Variants in BCAS4 observed in about 807,000 individuals in gnomAD.
BCAS4 encodes breast carcinoma-amplified sequence 4.
In BCAS4, 9 loss-of-function variants were observed where a neutral mutation model predicts 15.7. That is an observed-to-expected ratio of 0.57 (90% confidence interval 0.34 to 1.00). The LOEUF is 1.00. BCAS4 is among the 50% of genes least tolerant of loss of function. The probability of loss-of-function intolerance (pLI) is 0.02; values close to 1 mark genes in which losing one functional copy is unlikely to be tolerated. For synonymous variants in BCAS4, 101 were observed against 99.5 expected (o/e 1.02, Z -0.09); for missense variants, 225 against 239.1 (o/e 0.94, Z 0.39).
intron 1 of BCAS4, among the ~76,000 whole-genome samples, chr20:50,808,942 C>G (rs1569019172): frequency 2.6e-5 from 4 of 152,134 alleles, no homozygotes; most frequent in Admixed American, 2.6e-4. Context: ...CCAATGTTAT[C>G]TTCTAGAATT....
intron 2 of BCAS4, among the ~76,000 whole-genome samples, chr20:50,822,613 A>G (rs1420521817): frequency 6.6e-6 from 1 of 152,070 alleles, no homozygotes; most frequent in Non-Finnish European, 1.5e-5. Flanking sequence ...CACTTTGGAA[A>G]ACAGCTTGGC....
At chr20:50,858,927 A>ATTG (rs1308545472) in intron 4 of BCAS4, among the ~76,000 whole-genome samples, 1 of 142,898 alleles carries the variant, frequency 7.0e-6, no homozygotes, top group Non-Finnish European at 1.5e-5. Context: ...GGCTCTTGCT[A>ATTG]TTATTATTAT....
chr20:50,834,367 C>T (rs1227403613), intron 3 of BCAS4, among the ~76,000 whole-genome samples: 2 of 142,080 alleles, frequency 1.4e-5, no homozygotes, highest in Admixed American at 1.5e-4. Context: ...GGAATCTTGG[C>T]TCACTGCAAC....
intron 1 of BCAS4, among the ~76,000 whole-genome samples, chr20:50,815,421 C>T (rs2088125364): frequency 6.6e-6 from 1 of 152,214 alleles, no homozygotes; most frequent in Admixed American, 6.5e-5. Context: ...CTGTGCCCCA[C>T]TCCTCTCTTT....
chr20:50,844,018 C>T (rs1440216770), intron 4 of BCAS4, among the ~76,000 whole-genome samples: 2 of 152,044 alleles, frequency 1.3e-5, no homozygotes, highest in East Asian at 3.8e-4. Flanking sequence ...GTGGCGCATC[C>T]CTGTGGTCTC....
chr20:50,809,798 T>C (rs2088038376), intron 1 of BCAS4, among the ~76,000 whole-genome samples: 2 of 152,312 alleles, frequency 1.3e-5, no homozygotes, highest in South Asian at 4.1e-4. Flanking sequence ...TGTTTTGTAG[T>C]TTTCTTTGTA....
intron 4 of BCAS4, among the ~76,000 whole-genome samples, chr20:50,848,292 C>G (rs4413213): frequency 6.6e-6 from 1 of 152,036 alleles, no homozygotes; most frequent in Non-Finnish European, 1.5e-5. Flanking sequence ...AAAGGGATCC[C>G]AGGTCTGAGG....
intron 1 of BCAS4, among the ~76,000 whole-genome samples, chr20:50,816,219 T>A (rs2123770514): frequency 6.6e-6 from 1 of 152,106 alleles, no homozygotes. Context: ...AGAGACGGGG[T>A]TTCGCCATGT....
Position 50,801,996 on chromosome 20 carries a change from A to C in BCAS4, c.90+6823A>C, listed in dbSNP as rs547398339. ...CCAGGGCCTGGGTCCCCAGGGGGGGAGTCTGAATTCTGTTCTAGGGTCATG... is the reference window on the plus strand; with the variant it reads ...CCAGGGCCTGGGTCCCCAGGGGGGGCGTCTGAATTCTGTTCTAGGGTCATG... On this transcript the variant is annotated intron_variant, in intron 1 of 4. Coordinates refer to ENST00000371608, the MANE Select transcript of BCAS4 (RefSeq NM_198799.4). Among the ~76,000 whole-genome samples the C allele has an allele frequency of 2.8e-4, 42 of 150,882 alleles. 1 individual carries two copies. The highest frequency in any genetic ancestry group is 1.0e-3 in the African/African-American group (41 of 41,010).
chr20:50,801,975 G>A (rs1257259374), intron 1 of BCAS4, among the ~76,000 whole-genome samples: 2 of 151,888 alleles, frequency 1.3e-5, no homozygotes, highest in East Asian at 3.9e-4. Flanking sequence ...GCCACACCAG[G>A]GCCTGGGTCC....
intron 2 of BCAS4, among the ~76,000 whole-genome samples, chr20:50,829,462 C>G (rs574093674): frequency 6.6e-6 from 1 of 152,006 alleles, no homozygotes; most frequent in Non-Finnish European, 1.5e-5. Context: ...AGGCTGGTCT[C>G]GAACTCCTGA....
chr20:50,795,355 G>C (rs570311641), intron 1 of BCAS4, among the ~76,000 whole-genome samples, 182 bp downstream of exon 1: 48 of 152,202 alleles, frequency 3.2e-4, no homozygotes, highest in Admixed American at 2.8e-3. Flanking sequence ...GTCCCTGCTC[G>C]CTCCTCCGGG....
chr20:50,808,492 C>T (rs911192519), intron 1 of BCAS4, among the ~76,000 whole-genome samples: 1 of 152,194 alleles, frequency 6.6e-6, no homozygotes, highest in African/African-American at 2.4e-5. Context: ...AAAAGTGTTC[C>T]TTTTCATCAC....
intron 4 of BCAS4, among the ~76,000 whole-genome samples, chr20:50,842,189 C>T (rs2088492948): frequency 6.6e-6 from 1 of 152,188 alleles, no homozygotes; most frequent in Admixed American, 6.5e-5. Context: ...TCCTGCCCAT[C>T]CTTGCACACT....
At chr20:50,798,733 C>T (rs763452983) in intron 1 of BCAS4, among the ~76,000 whole-genome samples, 28 of 152,262 alleles carry the variant, frequency 1.8e-4, no homozygotes, top group Admixed American at 3.3e-4. Context: ...CCTAGGTCTC[C>T]GTCACCCTCT....
At chr20:50,840,772 G>A (rs1385567058) in intron 3 of BCAS4, 4 of 1,559,630 alleles carry the variant, frequency 2.6e-6, no homozygotes, top group Middle Eastern at 2.3e-4. Context: ...GAAGCGGAGC[G>A]AGGCACGCGA....
intron 1 of BCAS4, among the ~76,000 whole-genome samples, chr20:50,812,347 A>G: frequency 6.6e-6 from 1 of 150,418 alleles, no homozygotes; most frequent in Non-Finnish European, 1.5e-5. Context: ...GTTAGCCAGG[A>G]TGGTCTCGAT....
intron 4 of BCAS4, among the ~76,000 whole-genome samples, chr20:50,858,329 T>C (rs1461700937): frequency 6.6e-6 from 1 of 152,136 alleles, no homozygotes; most frequent in Non-Finnish European, 1.5e-5. Flanking sequence ...TGGACGGGCA[T>C]GGTGGCTCAC....
At chr20:50,822,849 A>C (rs1356110295) in intron 2 of BCAS4, among the ~76,000 whole-genome samples, 1 of 149,776 alleles carries the variant, frequency 6.7e-6, no homozygotes, top group Non-Finnish European at 1.5e-5. Flanking sequence ...CTGGTCTCGA[A>C]CTCCTGACCT....
Sources: allele counts gnomAD v4.1 joint callset (sites outside exome capture counted in the v4.1 genomes callset), GRCh38; gene constraint gnomAD v4.1.1; transcripts MANE v1.5; gene names NCBI Gene and HGNC (gene_info 2026-07-23, HGNC 2026-07-21).